Variants in ADD1 observed in about 807,000 individuals in gnomAD.
The protein encoded by ADD1 is adducin 1.
Under a neutral mutation model 80.5 loss-of-function variants are expected in ADD1, and 24 were observed. The ratio of observed to expected loss-of-function variants is 0.30; its 90% CI spans 0.22 to 0.42. The LOEUF (loss-of-function observed/expected upper bound fraction) is 0.42, where lower values mean the gene tolerates loss of function less well. ADD1 is among the 10% of genes least tolerant of loss of function. The probability of loss-of-function intolerance (pLI) is 1.00; values close to 1 mark genes in which losing one functional copy is unlikely to be tolerated. For synonymous variants in ADD1, 373 were observed against 393.8 expected, an observed-to-expected ratio of 0.95 and a Z score of 0.63; for missense variants, 948 against 1,019.0, an observed-to-expected ratio of 0.93 and a Z score of 0.95.
At chr4:2,852,906 A>G (rs1011900059) in intron 1 of ADD1, among the ~76,000 whole-genome samples, 3 of 151,304 alleles carry the variant, frequency 2.0e-5, no homozygotes. Context: ...AGGCCTTGCT[A>G]TGTTGCCCAG....
chr4:2,871,002 T>G (rs1194765425), intron 1 of ADD1, among the ~76,000 whole-genome samples: 1 of 150,890 alleles, frequency 6.6e-6, no homozygotes, highest in African/African-American at 2.4e-5. Context: ...GGAGTCTCGC[T>G]CTGTCACCCA....
chr4:2,872,834 A>T (rs1029972359), intron 1 of ADD1, among the ~76,000 whole-genome samples: 14 of 152,170 alleles, frequency 9.2e-5, no homozygotes, highest in African/African-American at 2.7e-4. Flanking sequence ...TGCTGGGATT[A>T]CAGGCATGAG....
intron 14 of ADD1, among the ~76,000 whole-genome samples, chr4:2,916,095 A>G (rs917736635): frequency 6.6e-6 from 1 of 152,010 alleles, no homozygotes; most frequent in Non-Finnish European, 1.5e-5. Flanking sequence ...TTCTGTCCAC[A>G]TGGAGTGACC....
intron 3 of ADD1, among the ~76,000 whole-genome samples, chr4:2,883,272 AAAT>A (rs1414503028): frequency 6.6e-6 from 1 of 152,146 alleles, no homozygotes; most frequent in Non-Finnish European, 1.5e-5. Flanking sequence ...TCCCTTTCCG[AAAT>A]AATAAGTTGG....
At chr4:2,897,405 T>G (rs553630366) in intron 6 of ADD1, among the ~76,000 whole-genome samples, 1 of 148,854 alleles carries the variant, frequency 6.7e-6, no homozygotes, top group African/African-American at 2.4e-5. Context: ...ATATATAAAT[T>G]GTATATATAT....
intron 12 of ADD1, 34 bp downstream of exon 12, chr4:2,908,638 T>G (rs1395847628): frequency 6.4e-7 from 1 of 1,566,552 alleles, no homozygotes; most frequent in Non-Finnish European, 8.8e-7. Flanking sequence ...CTTTAGTGGG[T>G]GGTGGCTGTG....
Position 2,884,665 on chromosome 4 carries a change from C to T in ADD1, c.509C>T (p.Thr170Ile). ...GWSQLIYNHI[T>I]TRVNSEQEHF... ...TCTCAGCTTATCTACAATCATATCA[C>T]AGTGAGTATTAAATGGGCTAGTAAC... Residue 170 changes from threonine (T) to isoleucine (I), a missense_variant and splice_region_variant, in exon 4 of 16, where the codon ACA (threonine) becomes ATA (isoleucine). By Grantham distance (89) the Thr-to-Ile change is moderately conservative. Coordinates refer to ENST00000683351, the MANE Select transcript of ADD1 (RefSeq NM_001354761.2). 1 of 1,604,284 alleles carries T rather than the reference C, an allele frequency of 6.2e-7. No individual in the cohort carries two copies. Among genetic ancestry groups the T allele is most frequent in the Non-Finnish European group, 8.5e-7 (1 of 1,173,926 alleles).
At chr4:2,879,154 A>G (rs751699718) in intron 2 of ADD1, among the ~76,000 whole-genome samples, 3 of 152,158 alleles carry the variant, frequency 2.0e-5, no homozygotes, top group Non-Finnish European at 4.4e-5. Context: ...GTTATGATCA[A>G]AGTAGCACAC....
At chr4:2,885,703 G>A (rs373889914) in intron 4 of ADD1, among the ~76,000 whole-genome samples, 16 of 151,744 alleles carry the variant, frequency 1.1e-4, no homozygotes, top group East Asian at 7.7e-4. Context: ...TCCGCCTCCC[G>A]GGTTCACGCC....
intron 6 of ADD1, among the ~76,000 whole-genome samples, chr4:2,895,243 A>G (rs959495419): frequency 6.6e-6 from 1 of 152,156 alleles, no homozygotes; most frequent in African/African-American, 2.4e-5. Context: ...GTGACAGAGT[A>G]AGACCTTGTC....
intron 1 of ADD1, among the ~76,000 whole-genome samples, chr4:2,869,948 A>G (rs1730164034): frequency 6.6e-6 from 1 of 152,108 alleles, no homozygotes; most frequent in South Asian, 2.1e-4. Context: ...TTAGCTGACA[A>G]TCAAAGAGCA....
At chr4:2,908,490 G>T (rs779178596) in intron 11 of ADD1, 25 bp from the exon 12 acceptor site, 29 of 1,603,956 alleles carry the variant, frequency 1.8e-5, no homozygotes, top group Non-Finnish European at 2.4e-5. Flanking sequence ...GACTGTTGAT[G>T]TGTGCCTCTC....
chr4:2,873,112 C>G (rs1032490634), intron 1 of ADD1, among the ~76,000 whole-genome samples: 2 of 152,064 alleles, frequency 1.3e-5, no homozygotes, highest in Non-Finnish European at 2.9e-5. Context: ...TGTGCCTCAG[C>G]CTCCTGAGTA....
chr4:2,849,242 A>G (rs1431993387), intron 1 of ADD1, among the ~76,000 whole-genome samples: 1 of 152,220 alleles, frequency 6.6e-6, no homozygotes, highest in Admixed American at 6.5e-5. Flanking sequence ...AATGACTTAT[A>G]TTATTAATAT....
At chr4:2,905,815 C>G (rs1164558230) in intron 10 of ADD1, 1 of 152,674 alleles carries the variant, frequency 6.5e-6, no homozygotes, top group Non-Finnish European at 1.5e-5. Flanking sequence ...TAATGCCGCT[C>G]AAGTTATCGT....
intron 15 of ADD1, among the ~76,000 whole-genome samples, chr4:2,927,101 C>T (rs918081975): frequency 9.9e-5 from 15 of 152,218 alleles, no homozygotes; most frequent in Non-Finnish European, 1.8e-4. Flanking sequence ...GGCAGAGGAG[C>T]GGATATTGGA....
intron 2 of ADD1, 38 bp downstream of exon 2, chr4:2,876,148 T>C (rs1488529255): frequency 1.3e-6 from 2 of 1,575,642 alleles, no homozygotes; most frequent in Admixed American, 3.7e-5. Context: ...AGATGTCATC[T>C]TTCCTTTTCT....
rs749438475 is a variant in ADD1, at chr4:2,876,089, G to A, written c.174G>A (p.Val58=). 1.6e-5 allele frequency: 26 copies of A among 1,613,382 alleles called. No individual in the cohort carries two copies. The highest frequency in any genetic ancestry group is 1.7e-4 in the Middle Eastern group (1 of 6,056). Residue 58 remains valine (V), a synonymous_variant, in exon 2 of 16, where the codon GTG becomes GTA. Coordinates refer to ENST00000683351, the MANE Select transcript of ADD1 (RefSeq NM_001354761.2). ...ACATGATGGAGCAAAAGAAGAGGGT[G>A]TCCATGATTCTGCAAAGCCCTGTGA... ...DFNMMEQKKR[V]SMILQSPAFC...
At chr4:2,868,667 T>C (rs1185419679) in intron 1 of ADD1, among the ~76,000 whole-genome samples, 1 of 152,122 alleles carries the variant, frequency 6.6e-6, no homozygotes, top group Non-Finnish European at 1.5e-5. Context: ...TGTACAAACA[T>C]GAGTTAGAAA....
Sources: gnomAD v4.1 joint callset for allele counts (sites outside exome capture counted in the v4.1 genomes callset) on GRCh38, gnomAD v4.1.1 for gene constraint, MANE v1.5 for transcripts, NCBI Gene and HGNC (gene_info 2026-07-23, HGNC 2026-07-21) for gene names.